DISC1: variants seen among roughly 807,000 people sequenced by gnomAD.
DISC1 encodes disrupted in schizophrenia 1 protein.
A neutral mutation model predicts 84.5 loss-of-function variants in DISC1; 57 were observed. The ratio of observed to expected loss-of-function variants is 0.67; its 90% CI spans 0.55 to 0.84. DISC1 has a LOEUF of 0.84. Ranked by LOEUF, DISC1 falls within the 40% of genes least tolerant of loss-of-function variation. The pLI, the probability that DISC1 is intolerant of heterozygous loss-of-function variation, is 0.00. For synonymous variants in DISC1, 411 were observed against 415.2 expected (o/e 0.99, Z 0.12); for missense variants, 1,000 against 1,057.8 (o/e 0.95, Z 0.76).
At position 232,038,625 on chromosome 1, in the gene DISC1, T is replaced by C. The variant is rs931785009; in HGVS notation, c.*1794T>C. ...TTCATATCCCATAGATCTAGTATTG[T>C]ACAGCACTGCATTCTCTGAGGAAGT... On this transcript the variant is annotated 3_prime_UTR_variant, in exon 13 of 13. Transcript: ENST00000439617. The C allele has an allele frequency of 6.6e-6, 1 of 152,174 alleles. No homozygotes were observed. The highest frequency in any genetic ancestry group is 2.4e-5 in the African/African-American group (1 of 41,450). The allele number at this position is 152,174 out of a possible 1,614,324, so 9.4% of individuals were successfully genotyped here.
chr1:231,865,348 G>A (rs1360401870), intron 9 of DISC1, among the ~76,000 whole-genome samples: 1 of 152,220 alleles, frequency 6.6e-6, no homozygotes, highest in African/African-American at 2.4e-5. Context: ...ACATTGGGCA[G>A]TGATTGTGTT....
chr1:232,019,569 C>T (rs1275109068), intron 11 of DISC1, among the ~76,000 whole-genome samples: 1 of 152,088 alleles, frequency 6.6e-6, no homozygotes, highest in Admixed American at 6.6e-5. Flanking sequence ...CAGGCTTTCT[C>T]TTTTTTGTCA....
At chr1:231,689,918 G>A (rs750256345) in intron 1 of DISC1, among the ~76,000 whole-genome samples, 3 of 152,160 alleles carry the variant, frequency 2.0e-5, no homozygotes, top group Non-Finnish European at 4.4e-5. Flanking sequence ...CTGTTGACTG[G>A]GTGATCAGGA....
At chr1:231,911,981 G>A (rs2089245245) in intron 9 of DISC1, among the ~76,000 whole-genome samples, 1 of 152,032 alleles carries the variant, frequency 6.6e-6, no homozygotes, top group Admixed American at 6.6e-5. Context: ...TGACACTTGT[G>A]CATGTGTCAC....
At position 232,039,281 on chromosome 1, in the gene DISC1, C is replaced by T. The variant is rs1489626598; in HGVS notation, c.*2450C>T. 1 of 152,148 alleles carries T rather than the reference C, an allele frequency of 6.6e-6. No individual in the cohort carries two copies. The highest frequency in any genetic ancestry group is 1.9e-4 in the East Asian group (1 of 5,186). The allele number at this position is 152,148 out of a possible 1,614,324, so 9.4% of individuals were successfully genotyped here. ...CTTCGACATATGTCTTTTCAAAAAG[C>T]CTCCCAGACACAAGACATCTTAACC... On this transcript the variant is annotated 3_prime_UTR_variant, in exon 13 of 13. Coordinates refer to ENST00000439617, the MANE Select transcript of DISC1 (RefSeq NM_018662.3).
At chr1:232,015,945 G>A (rs936335295) in intron 11 of DISC1, among the ~76,000 whole-genome samples, 2 of 152,112 alleles carry the variant, frequency 1.3e-5, no homozygotes, top group African/African-American at 2.4e-5. Context: ...AGGCCAACAA[G>A]CTTGGGTAAT....
intron 10 of DISC1, among the ~76,000 whole-genome samples, chr1:231,968,966 A>G (rs1487878318): frequency 6.6e-6 from 1 of 152,176 alleles, no homozygotes; most frequent in Non-Finnish European, 1.5e-5. Flanking sequence ...ATAATAAGGG[A>G]TTAATCAATG....
At chr1:231,782,096 A>G (rs904845583) in intron 6 of DISC1, among the ~76,000 whole-genome samples, 5 of 152,224 alleles carry the variant, frequency 3.3e-5, no homozygotes, top group Non-Finnish European at 5.9e-5. Flanking sequence ...GCTGTGTCTT[A>G]TATAGAGATC....
chr1:231,973,575 T>G (rs936129535), intron 10 of DISC1, among the ~76,000 whole-genome samples: 10 of 152,356 alleles, frequency 6.6e-5, no homozygotes, highest in African/African-American at 2.4e-4. Context: ...ACAATGCGGT[T>G]GATAAACATC....
intron 6 of DISC1, among the ~76,000 whole-genome samples, chr1:231,777,024 A>G (rs995103775): frequency 6.6e-6 from 1 of 152,156 alleles, no homozygotes; most frequent in African/African-American, 2.4e-5. Flanking sequence ...CTGCTTTTCC[A>G]TTCGTGAAGA....
chr1:231,883,201 T>G (rs1394376416), intron 9 of DISC1, among the ~76,000 whole-genome samples: 1 of 152,150 alleles, frequency 6.6e-6, no homozygotes. Flanking sequence ...ATCTGGGTCT[T>G]GAATAACCAT....
At chr1:231,684,078 C>A (rs529082654) in intron 1 of DISC1, among the ~76,000 whole-genome samples, 1 of 152,236 alleles carries the variant, frequency 6.6e-6, no homozygotes, top group East Asian at 1.9e-4. Context: ...ACATGTCTGT[C>A]TTCCCCAGGG....
intron 3 of DISC1, among the ~76,000 whole-genome samples, chr1:231,745,769 A>G (rs2073910063): frequency 6.6e-6 from 1 of 152,008 alleles, no homozygotes; most frequent in Non-Finnish European, 1.5e-5. Context: ...ACCCTGATAC[A>G]GTTTGGATGT....
intron 9 of DISC1, among the ~76,000 whole-genome samples, chr1:231,909,771 G>T (rs748052670): frequency 2.0e-5 from 3 of 152,028 alleles, no homozygotes. Context: ...CTCTTTGTAC[G>T]TCTCGTAGAA....
At position 231,897,596 on chromosome 1, in the gene DISC1, T is replaced by C. The variant is rs1481763293; in HGVS notation, c.1982-61232T>C. 6.6e-6 allele frequency among the ~76,000 whole-genome samples: 1 copy of C among 152,166 alleles called. No homozygotes were observed. Among genetic ancestry groups the C allele is most frequent in the African/African-American group, 2.4e-5 (1 of 41,438 alleles). On this transcript the variant is annotated intron_variant, in intron 9 of 12. Coordinates refer to ENST00000439617, the MANE Select transcript of DISC1 (RefSeq NM_018662.3). The surrounding 1 kb of genome is among the most constrained non-coding windows in gnomAD (Gnocchi z 4.5). ...CTTTGCGGCAGCATTTTACAGCCAT[T>C]TATTGTAGAGTCTGTTGCTTTGGGC... is the stretch of plus-strand genomic sequence containing the variant.
At chr1:231,822,425 A>G (rs1294428058) in intron 9 of DISC1, among the ~76,000 whole-genome samples, 2 of 152,076 alleles carry the variant, frequency 1.3e-5, no homozygotes, top group Non-Finnish European at 1.5e-5. Context: ...GCCTAAACTC[A>G]TTTGTCTTTC....
At chr1:231,870,661 A>C (rs577319008) in intron 9 of DISC1, among the ~76,000 whole-genome samples, 2 of 152,108 alleles carry the variant, frequency 1.3e-5, no homozygotes, top group East Asian at 3.9e-4. Context: ...ACAGCCCCCC[A>C]AAAAGCCCTC....
Position 231,694,406 on chromosome 1 carries a change from G to A in DISC1, c.648G>A (p.Ser216=), listed in dbSNP as rs779350258. 4 of 1,614,116 alleles carry A rather than the reference G, an allele frequency of 2.5e-6. No individual in the cohort carries two copies. The highest frequency in any genetic ancestry group is 1.1e-5 in the South Asian group (1 of 91,090). The part of the protein sequence containing the change: ...FTSSFSFIRL[S]LGSAGERGEA... ...CAAGCTTTAGCTTTATTCGGCTCTC[G>A]CTTGGCTCTGCCGGGGAACGTGGAG... The change falls in exon 2 of 13, where the codon TCG becomes TCA. Residue 216 remains serine, a synonymous_variant. Coordinates refer to ENST00000439617, the MANE Select transcript of DISC1 (RefSeq NM_018662.3).
intron 9 of DISC1, among the ~76,000 whole-genome samples, chr1:231,845,098 T>A (rs182862362): frequency 5.4e-4 from 82 of 152,158 alleles, no homozygotes; most frequent in South Asian, 1.0e-3. Flanking sequence ...AGATGTAAGG[T>A]CTGTGTTGAT....
Sources: gnomAD v4.1 joint callset for allele counts (sites outside exome capture counted in the v4.1 genomes callset) on GRCh38, gnomAD v4.1.1 for gene constraint, Gnocchi (gnomAD v3.1) non-coding constraint, MANE v1.5 for transcripts, NCBI Gene and HGNC (gene_info 2026-07-23, HGNC 2026-07-21) for gene names.